PDE4D: variants seen among roughly 807,000 people sequenced by gnomAD.
The protein encoded by PDE4D is 3',5'-cyclic-AMP phosphodiesterase 4D.
Under a neutral mutation model 87.4 loss-of-function variants are expected in PDE4D, and 24 were observed. That is an observed-to-expected ratio of 0.27 (90% confidence interval 0.20 to 0.39). The LOEUF (loss-of-function observed/expected upper bound fraction) is 0.39, where lower values mean the gene tolerates loss of function less well. Ranked by LOEUF, PDE4D falls within the 10% of genes least tolerant of loss-of-function variation. PDE4D has a pLI of 1.00. For missense variants in PDE4D, 714 were observed against 1,041.0 expected, an observed-to-expected ratio of 0.69 and a Z score of 4.32; for synonymous variants, 384 against 383.2, an observed-to-expected ratio of 1.00 and a Z score of -0.02.
intron 1 of PDE4D, among the ~76,000 whole-genome samples, chr5:59,339,887 A>G (rs1479755228): frequency 6.6e-6 from 1 of 151,936 alleles, no homozygotes; most frequent in Non-Finnish European, 1.5e-5. Context: ...ATATCACTCT[A>G]GCATTTACTT....
intron 1 of PDE4D, among the ~76,000 whole-genome samples, chr5:59,802,096 TAAG>T (rs1282068426): frequency 6.6e-6 from 1 of 152,164 alleles, no homozygotes; most frequent in East Asian, 1.9e-4. Flanking sequence ...AAAAAGTACT[TAAG>T]AAACTCTAAA....
chr5:60,374,900 T>G (rs997991759), intron 1 of PDE4D, among the ~76,000 whole-genome samples: 1 of 152,210 alleles, frequency 6.6e-6, no homozygotes, highest in African/African-American at 2.4e-5. Flanking sequence ...TATATTTTTT[T>G]TCTTTATAAC....
At chr5:59,138,595 C>T (rs2153454300) in intron 5 of PDE4D, among the ~76,000 whole-genome samples, 1 of 152,346 alleles carries the variant, frequency 6.6e-6, no homozygotes, top group East Asian at 1.9e-4. Context: ...ATATTATTCA[C>T]AAGCCATCTA....
chr5:59,804,946 C>T (rs1767577348), intron 1 of PDE4D, among the ~76,000 whole-genome samples: 1 of 152,132 alleles, frequency 6.6e-6, no homozygotes, highest in Admixed American at 6.5e-5. Context: ...CGCACACCAC[C>T]ATGCCTGGCT....
chr5:60,118,113 A>G (rs1017320218), intron 2 of PDE4D, among the ~76,000 whole-genome samples: 7 of 152,102 alleles, frequency 4.6e-5, no homozygotes, highest in Non-Finnish European at 8.8e-5. Flanking sequence ...CAAGTTTCCT[A>G]TCAGCTCTGT....
In PDE4D at chr5:60,303,469, C is replaced by T. The variant is rs575688275; in HGVS notation, c.-89-117782G>A. On this transcript the variant is annotated intron_variant, in intron 1 of 16. Transcript: ENST00000502484. The stretch of plus-strand genomic sequence containing the variant: ...GACTACAGGCGCGCGCCACCACGCC[C>T]AGATAATTTTTGTATTTTTAGTAGA... Among the ~76,000 whole-genome samples the T allele has an allele frequency of 4.4e-3, 664 of 152,090 alleles. 5 individuals are homozygous for T. Among genetic ancestry groups the T allele is most frequent in the African/African-American group, 0.016 (647 of 41,480 alleles).
intron 1 of PDE4D, among the ~76,000 whole-genome samples, chr5:60,280,976 AAC>A (rs1383292563): frequency 6.6e-6 from 1 of 152,224 alleles, no homozygotes; most frequent in Non-Finnish European, 1.5e-5. Context: ...TAACATGTGA[AAC>A]ACACTGCCTG....
chr5:59,614,876 G>A (rs571216952), intron 1 of PDE4D, among the ~76,000 whole-genome samples: 1 of 148,522 alleles, frequency 6.7e-6, no homozygotes, highest in Non-Finnish European at 1.5e-5. Flanking sequence ...CTATCATCTA[G>A]ACCTGAGTGC....
At chr5:59,080,055 C>T (rs1766461512) in intron 5 of PDE4D, among the ~76,000 whole-genome samples, 1 of 152,156 alleles carries the variant, frequency 6.6e-6, no homozygotes, top group Non-Finnish European at 1.5e-5. Flanking sequence ...TGTCTGTACA[C>T]ACACACGTTT....
chr5:60,273,358 G>A (rs939199413), intron 1 of PDE4D, among the ~76,000 whole-genome samples: 2 of 152,114 alleles, frequency 1.3e-5, no homozygotes, highest in Non-Finnish European at 2.9e-5. Flanking sequence ...TGGTACATAC[G>A]GAAAATGCAT....
chr5:59,361,096 G>T (rs1399843570), intron 1 of PDE4D, among the ~76,000 whole-genome samples: 1 of 152,006 alleles, frequency 6.6e-6, no homozygotes, highest in Non-Finnish European at 1.5e-5. Context: ...AAACAACTAA[G>T]TCAAGCTTTT....
At chr5:60,089,312 G>T (rs1774856918) in intron 2 of PDE4D, among the ~76,000 whole-genome samples, 1 of 151,774 alleles carries the variant, frequency 6.6e-6, no homozygotes, top group African/African-American at 2.4e-5. Context: ...GTTTTAAAAA[G>T]TCAAAAAAGT....
At chr5:59,300,874 T>C (rs570026426) in intron 1 of PDE4D, among the ~76,000 whole-genome samples, 3 of 152,258 alleles carry the variant, frequency 2.0e-5, no homozygotes, top group South Asian at 4.2e-4. Context: ...CTCATAATCC[T>C]CTCTTTGGGT....
intron 1 of PDE4D, among the ~76,000 whole-genome samples, chr5:59,714,939 G>T (rs1471327802): frequency 1.3e-5 from 2 of 152,244 alleles, no homozygotes; most frequent in Admixed American, 1.3e-4. Context: ...AGTTGGATGT[G>T]CATGTGACCA....
chr5:59,251,683 C>G (rs530205933), intron 1 of PDE4D, among the ~76,000 whole-genome samples: 7 of 152,158 alleles, frequency 4.6e-5, no homozygotes, highest in African/African-American at 1.7e-4. Context: ...TGGGCATATT[C>G]CCAGAGGAAT....
intron 1 of PDE4D, among the ~76,000 whole-genome samples, chr5:59,876,313 T>C (rs147604827): frequency 1.2e-3 from 180 of 152,276 alleles, no homozygotes; most frequent in African/African-American, 4.1e-3. Context: ...ATGATGATGA[T>C]AGTGATGGTG....
intron 2 of PDE4D, among the ~76,000 whole-genome samples, chr5:60,174,593 T>G (rs2149488321): frequency 6.6e-6 from 1 of 152,228 alleles, no homozygotes; most frequent in Admixed American, 6.5e-5. Context: ...GCATATTACT[T>G]TGGGGACATC....
At chr5:59,713,502 T>C (rs1462808422) in intron 1 of PDE4D, among the ~76,000 whole-genome samples, 1 of 152,178 alleles carries the variant, frequency 6.6e-6, no homozygotes, top group African/African-American at 2.4e-5. Flanking sequence ...GTTGAAACTG[T>C]GCATGATTCC....
intron 1 of PDE4D, among the ~76,000 whole-genome samples, chr5:59,576,660 C>T (rs1023886169): frequency 2.0e-5 from 3 of 152,032 alleles, no homozygotes; most frequent in African/African-American, 7.2e-5. Flanking sequence ...ATGTTAATAC[C>T]TGGTCTCAAA....
Sources: gnomAD v4.1 joint callset for allele counts (sites outside exome capture counted in the v4.1 genomes callset) on GRCh38, gnomAD v4.1.1 for gene constraint, MANE v1.5 for transcripts, NCBI Gene and HGNC (gene_info 2026-07-23, HGNC 2026-07-21) for gene names.